Variants in ALCAM observed in about 807,000 individuals in gnomAD.
ALCAM encodes CD166 antigen.
A neutral mutation model predicts 70.9 loss-of-function variants in ALCAM; 30 were observed. The observed-to-expected ratio is 0.42, with a 90% CI of 0.32 to 0.57. The LOEUF is 0.57. ALCAM is among the 20% of genes least tolerant of loss of function. The pLI is 0.11. For synonymous variants in ALCAM, 249 were observed against 242.5 expected (o/e 1.03, Z -0.25); for missense variants, 591 against 695.1 (o/e 0.85, Z 1.68).
chr3:105,482,199 G>C (rs1938292597), intron 1 of ALCAM, among the ~76,000 whole-genome samples: 1 of 152,110 alleles, frequency 6.6e-6, no homozygotes, highest in Non-Finnish European at 1.5e-5. Flanking sequence ...TGCAACCTCT[G>C]TCTCCTGGGT....
At chr3:105,399,151 C>T (rs531177948) in intron 1 of ALCAM, among the ~76,000 whole-genome samples, 1 of 152,108 alleles carries the variant, frequency 6.6e-6, no homozygotes, top group Non-Finnish European at 1.5e-5. Context: ...TTTTGCATTT[C>T]AAAAATAATT....
At chr3:105,443,020 C>G (rs1025554948) in intron 1 of ALCAM, among the ~76,000 whole-genome samples, 1 of 152,034 alleles carries the variant, frequency 6.6e-6, no homozygotes, top group Non-Finnish European at 1.5e-5. Flanking sequence ...AGATGGGGAT[C>G]TTGCTATATT....
At chr3:105,499,220 ATAT>A (rs1284149927) in intron 1 of ALCAM, among the ~76,000 whole-genome samples, 1 of 152,230 alleles carries the variant, frequency 6.6e-6, no homozygotes, top group Non-Finnish European at 1.5e-5. Context: ...TATATCTTTA[ATAT>A]CTAAGAACTA....
rs750515687 is a variant in ALCAM, at chr3:105,550,183, T to G, written c.1431T>G (p.Pro477=). ...ATTATAGTAAAATTATCATTTCCCC[T>G]GAAGAGAATGTTACATTAACTTGCA... ...GRYYSKIIIS[P]EENVTLTCTA... The change falls in exon 12 of 16, where the codon CCT becomes CCG. Residue 477 remains proline, a synonymous_variant. Transcript: ENST00000306107. The G allele has an allele frequency of 1.2e-6, 2 of 1,602,160 alleles. No homozygotes were observed. The highest frequency in any genetic ancestry group is 1.7e-5 in the Admixed American group (1 of 59,714).
chr3:105,407,502 A>T (rs144057106), intron 1 of ALCAM, among the ~76,000 whole-genome samples: 1 of 152,142 alleles, frequency 6.6e-6, no homozygotes, highest in Admixed American at 6.6e-5. Context: ...CAGAAAAGGC[A>T]TTTGACAAAA....
chr3:105,514,540 TC>T (rs1392924972), intron 1 of ALCAM, among the ~76,000 whole-genome samples: 1 of 152,054 alleles, frequency 6.6e-6, no homozygotes, highest in African/African-American at 2.4e-5. Flanking sequence ...GTAATTCTTT[TC>T]TATGACATAA....
intron 1 of ALCAM, among the ~76,000 whole-genome samples, chr3:105,463,095 T>C (rs1201525978): frequency 6.6e-6 from 1 of 151,466 alleles, no homozygotes; most frequent in Middle Eastern, 3.2e-3. Flanking sequence ...AACCTTATTT[T>C]CCTGTGCACC....
rs188096307 is a variant in ALCAM at position 105,557,398 on chromosome 3, G to A, written c.1664+4813G>A. The stretch of plus-strand genomic sequence containing the variant: ...CACAGGGTCACCGGCCACTCAGAGG[G>A]CAGCACCATCCATGGCCCTCTCCTC... On this transcript the variant is annotated intron_variant, in intron 14 of 15. Coordinates refer to ENST00000306107, the MANE Select transcript of ALCAM (RefSeq NM_001627.4). 3.3e-5 allele frequency among the ~76,000 whole-genome samples: 5 copies of A among 152,228 alleles called. No individual in the cohort carries two copies. In the East Asian group the frequency reaches 9.7e-4, roughly 29 times the overall value.
intron 1 of ALCAM, among the ~76,000 whole-genome samples, chr3:105,408,619 C>T (rs2196745): frequency 0.69 from 104,507 of 151,888 alleles, 36,248 homozygotes; most frequent in East Asian, 0.92. Context: ...ATAAGAAAAA[C>T]CTCTCTAGAC....
intron 1 of ALCAM, among the ~76,000 whole-genome samples, chr3:105,401,318 G>A (rs1166844077): frequency 2.0e-5 from 3 of 152,190 alleles, no homozygotes; most frequent in South Asian, 2.1e-4. Flanking sequence ...TGAATCTTAC[G>A]AATTTTGCTG....
chr3:105,409,048 T>A (rs1936320345), intron 1 of ALCAM, among the ~76,000 whole-genome samples: 1 of 151,892 alleles, frequency 6.6e-6, no homozygotes, highest in South Asian at 2.1e-4. Flanking sequence ...TAAAAAATAA[T>A]TGATGTTGGA....
At chr3:105,482,962 A>G (rs1305972861) in intron 1 of ALCAM, among the ~76,000 whole-genome samples, 1 of 152,156 alleles carries the variant, frequency 6.6e-6, no homozygotes, top group Non-Finnish European at 1.5e-5. Flanking sequence ...TCATAGAAAC[A>G]ACTAAATTTC....
At chr3:105,368,068 C>T (rs1183978739) in intron 1 of ALCAM, among the ~76,000 whole-genome samples, 1 of 151,868 alleles carries the variant, frequency 6.6e-6, no homozygotes, top group Non-Finnish European at 1.5e-5. Context: ...CGTCCATTGT[C>T]TGGGCGGGTG....
At chr3:105,405,131 G>A (rs1297952192) in intron 1 of ALCAM, among the ~76,000 whole-genome samples, 1 of 151,920 alleles carries the variant, frequency 6.6e-6, no homozygotes, top group Admixed American at 6.6e-5. Flanking sequence ...TACAAAATTA[G>A]CTGGGCGTGG....
chr3:105,385,549 C>T (rs181095612), intron 1 of ALCAM, among the ~76,000 whole-genome samples: 63 of 151,742 alleles, frequency 4.2e-4, no homozygotes, highest in African/African-American at 1.5e-3. Flanking sequence ...ATAATACATT[C>T]TAGTAAGCCC....
chr3:105,487,513 G>C (rs749445306), intron 1 of ALCAM, among the ~76,000 whole-genome samples: 44 of 152,220 alleles, frequency 2.9e-4, no homozygotes, highest in Non-Finnish European at 4.4e-4. Context: ...GGTTCTATCA[G>C]CTACACTGGA....
At chr3:105,400,550 A>G (rs1338399915) in intron 1 of ALCAM, among the ~76,000 whole-genome samples, 1 of 152,182 alleles carries the variant, frequency 6.6e-6, no homozygotes, top group African/African-American at 2.4e-5. Flanking sequence ...TAGAAGAGTA[A>G]TACAGTAATA....
intron 11 of ALCAM, among the ~76,000 whole-genome samples, chr3:105,549,371 T>C (rs1003328336): frequency 1.3e-5 from 2 of 151,472 alleles, no homozygotes; most frequent in African/African-American, 2.4e-5. Flanking sequence ...CTCAAGGCAC[T>C]TACCATGTAG....
intron 1 of ALCAM, among the ~76,000 whole-genome samples, chr3:105,487,976 C>A (rs1316638604): frequency 1.3e-5 from 2 of 152,098 alleles, no homozygotes; most frequent in Non-Finnish European, 2.9e-5. Flanking sequence ...GGAAGTGGGA[C>A]CCCATGGGAG....
Sources: gnomAD v4.1 joint callset for allele counts (sites outside exome capture counted in the v4.1 genomes callset) on GRCh38, gnomAD v4.1.1 for gene constraint, MANE v1.5 for transcripts, NCBI Gene and HGNC (gene_info 2026-07-23, HGNC 2026-07-21) for gene names.